THSD7A: variants seen among roughly 807,000 people sequenced by gnomAD.
THSD7A encodes the protein thrombospondin type 1 domain containing 7A.
A neutral mutation model predicts 231.3 loss-of-function variants in THSD7A; 96 were observed. That is an observed-to-expected ratio of 0.41 (90% CI 0.35 to 0.49). The LOEUF is 0.49. Ranked by LOEUF, THSD7A falls within the 20% of genes least tolerant of loss-of-function variation. The pLI, the probability that THSD7A is intolerant of heterozygous loss-of-function variation, is 0.05. For missense variants in THSD7A, 2,290 were observed against 2,070.2 expected, an observed-to-expected ratio of 1.11 and a Z score of -2.06; for synonymous variants, 940 against 743.3, an observed-to-expected ratio of 1.26 and a Z score of -4.30.
At chr7:11,376,492 CTTAT>C in intron 27 of THSD7A, 74 bp downstream of exon 27, 1 of 1,119,196 alleles carries the variant, frequency 8.9e-7, no homozygotes, top group Non-Finnish European at 1.3e-6. Flanking sequence ...ATGTAGAGTA[CTTAT>C]TTGAGACATT....
chr7:11,483,370 T>C (rs1388605577), intron 6 of THSD7A, among the ~76,000 whole-genome samples: 1 of 152,172 alleles, frequency 6.6e-6, no homozygotes, highest in Non-Finnish European at 1.5e-5. Flanking sequence ...GCCATTACAT[T>C]GCAAGGCCTT....
chr7:11,479,864 G>T (rs1256331963), intron 7 of THSD7A, among the ~76,000 whole-genome samples: 7 of 47,874 alleles, frequency 1.5e-4, no homozygotes, highest in Non-Finnish European at 3.1e-4. Flanking sequence ...TTCTTTTATG[G>T]CTTCCATGTT....
chr7:11,533,656 C>G (rs1327263945), intron 6 of THSD7A, among the ~76,000 whole-genome samples: 2 of 152,056 alleles, frequency 1.3e-5, no homozygotes, highest in East Asian at 3.9e-4. Flanking sequence ...AACCAAATAC[C>G]ACAAGTTCTC....
intron 1 of THSD7A, among the ~76,000 whole-genome samples, chr7:11,742,174 G>A (rs1033597733): frequency 1.3e-5 from 2 of 151,892 alleles, no homozygotes; most frequent in Admixed American, 6.6e-5. Flanking sequence ...ATTTTCAGTG[G>A]AAGTTGTCAT....
At chr7:11,540,100 T>C (rs541129295) in intron 6 of THSD7A, among the ~76,000 whole-genome samples, 27 of 152,328 alleles carry the variant, frequency 1.8e-4, no homozygotes, top group Admixed American at 7.2e-4. Context: ...CTCCTTTTTT[T>C]CCTCTCTTTA....
intron 4 of THSD7A, among the ~76,000 whole-genome samples, chr7:11,564,280 A>G (rs1463180954): frequency 6.6e-6 from 1 of 151,598 alleles, no homozygotes; most frequent in Non-Finnish European, 1.5e-5. Context: ...GCTGGTGAGG[A>G]GGGAGTTATC....
At chr7:11,555,190 T>C (rs1335786780) in intron 4 of THSD7A, among the ~76,000 whole-genome samples, 1 of 151,932 alleles carries the variant, frequency 6.6e-6, no homozygotes, top group African/African-American at 2.4e-5. Context: ...GCTTTGATTA[T>C]TGATTTGTGT....
At chr7:11,579,894 G>C (rs565658019) in intron 4 of THSD7A, among the ~76,000 whole-genome samples, 2 of 152,236 alleles carry the variant, frequency 1.3e-5, no homozygotes, top group East Asian at 3.9e-4. Flanking sequence ...TCTTAAAGTA[G>C]TCATTCTCAC....
At chr7:11,517,704 G>A (rs144955325) in intron 6 of THSD7A, among the ~76,000 whole-genome samples, 101 of 152,270 alleles carry the variant, frequency 6.6e-4, no homozygotes, top group South Asian at 1.2e-3. Context: ...TTTTAAAGCT[G>A]CATGCAATGA....
intron 1 of THSD7A, among the ~76,000 whole-genome samples, chr7:11,651,271 G>C (rs1782490185): frequency 6.6e-6 from 1 of 151,970 alleles, no homozygotes. Flanking sequence ...GTGGTTATGA[G>C]GGGATAGGTG....
chr7:11,509,752 G>T (rs1787714842), intron 6 of THSD7A, among the ~76,000 whole-genome samples: 1 of 142,440 alleles, frequency 7.0e-6, no homozygotes, highest in Non-Finnish European at 1.5e-5. Flanking sequence ...AACCCGGGAG[G>T]CGGAGCTTGC....
chr7:11,670,797 T>A (rs1783355508), intron 1 of THSD7A, among the ~76,000 whole-genome samples: 1 of 152,086 alleles, frequency 6.6e-6, no homozygotes, highest in Non-Finnish European at 1.5e-5. Flanking sequence ...TCAGAGTAAA[T>A]TAATCTAATA....
Position 11,406,934 on chromosome 7 carries a change from G to A in THSD7A, c.4038C>T (p.Gly1346=). 1 of 1,613,736 alleles carries A rather than the reference G, an allele frequency of 6.2e-7. No homozygotes were observed. The highest frequency in any genetic ancestry group is 8.5e-7 in the Non-Finnish European group (1 of 1,179,826). ...CCTGCACTTGGCATGGAGACCACTG[G>A]CCATATTGCCACCGATAACAAGGCT... ...PVKPCYRWQY[G]QWSPCQVQEA... The change falls in exon 21 of 28, where the codon GGC becomes GGT. Residue 1346 remains glycine (G), a synonymous_variant. Coordinates refer to ENST00000423059, the MANE Select transcript of THSD7A (RefSeq NM_015204.3). The surrounding 1 kb of genome is among the most constrained non-coding windows in gnomAD (Gnocchi z 4.7).
In THSD7A at chr7:11,454,422, C is replaced by T. The variant is rs576651522; in HGVS notation, c.2605+6240G>A. On this transcript the variant is annotated intron_variant, in intron 11 of 27. Coordinates refer to ENST00000423059, the MANE Select transcript of THSD7A (RefSeq NM_015204.3). ...AAACAAAACTATCCTTGCCCCTTGC[C>T]TCTAACTCACTCACAGGAACCCTAG... Among the ~76,000 whole-genome samples the T allele has an allele frequency of 7.9e-5, 12 of 151,972 alleles. No homozygotes were observed. The East Asian group carries it at 2.3e-3, about 30-fold the overall frequency.
chr7:11,498,208 T>A (rs62438217), intron 6 of THSD7A, among the ~76,000 whole-genome samples: 13,449 of 152,204 alleles, frequency 0.088, 678 homozygotes, highest in Non-Finnish European at 0.11. Context: ...CCTCATATGA[T>A]AAGACCCACT....
chr7:11,524,387 C>T (rs1275242797), intron 6 of THSD7A, among the ~76,000 whole-genome samples: 1 of 152,126 alleles, frequency 6.6e-6, no homozygotes, highest in Non-Finnish European at 1.5e-5. Flanking sequence ...TTGACTGCTT[C>T]AGCTGGAGCA....
intron 6 of THSD7A, among the ~76,000 whole-genome samples, chr7:11,540,094 T>A (rs1033904674): frequency 6.6e-6 from 1 of 151,630 alleles, no homozygotes; most frequent in African/African-American, 2.4e-5. Flanking sequence ...TACTTCCTCC[T>A]TTTTTTCCTC....
intron 1 of THSD7A, among the ~76,000 whole-genome samples, chr7:11,761,844 C>G (rs913668044): frequency 3.9e-5 from 6 of 151,944 alleles, no homozygotes; most frequent in African/African-American, 1.5e-4. Flanking sequence ...CCTAGAGAAC[C>G]TATCACCCAA....
chr7:11,392,364 T>G (rs1356831169), intron 23 of THSD7A, among the ~76,000 whole-genome samples: 1 of 152,064 alleles, frequency 6.6e-6, no homozygotes, highest in Non-Finnish European at 1.5e-5. Context: ...ACTATGCTTT[T>G]CTCATGGTCT....
Sources: gnomAD v4.1 joint callset for allele counts (sites outside exome capture counted in the v4.1 genomes callset) on GRCh38, gnomAD v4.1.1 for gene constraint, Gnocchi (gnomAD v3.1) non-coding constraint, MANE v1.5 for transcripts, NCBI Gene and HGNC (gene_info 2026-07-23, HGNC 2026-07-21) for gene names.